Variants in ANKFN1 observed in about 807,000 individuals in gnomAD.
The protein encoded by ANKFN1 is ankyrin repeat and fibronectin type III domain containing 1, also known as ankyrin repeat and fibronectin type-III domain-containing protein 1.
In ANKFN1, 74 loss-of-function variants were observed where a neutral mutation model predicts 108.7. That is an observed-to-expected ratio of 0.68 (90% CI 0.56 to 0.83). The LOEUF (loss-of-function observed/expected upper bound fraction) is 0.83. ANKFN1 is among the 40% of genes least tolerant of loss of function. ANKFN1 has a pLI of 0.00. For synonymous variants in ANKFN1, 547 were observed against 516.2 expected (o/e 1.06, Z -0.81); for missense variants, 1,505 against 1,382.3 (o/e 1.09, Z -1.41).
chr17:56,326,430 T>C (rs912418308), intron 4 of ANKFN1, 75 bp downstream of exon 4: 1 of 1,521,334 alleles, frequency 6.6e-7, no homozygotes. Flanking sequence ...TTTAAATGTG[T>C]ATATGTTGCT....
intron 8 of ANKFN1, among the ~76,000 whole-genome samples, chr17:56,378,688 A>C (rs1345420319): frequency 6.6e-6 from 1 of 152,196 alleles, no homozygotes; most frequent in Non-Finnish European, 1.5e-5. Context: ...TTTGCAGATG[A>C]GAGCAACGAG....
chr17:56,069,665 C>T (rs1905098237), intron 4 of ANKFN1, among the ~76,000 whole-genome samples: 1 of 152,102 alleles, frequency 6.6e-6, no homozygotes, highest in Non-Finnish European at 1.5e-5. Flanking sequence ...ATCTAAAGGC[C>T]AGAATCCTGA....
chr17:56,420,757 G>T (rs901802252), intron 8 of ANKFN1, among the ~76,000 whole-genome samples: 1 of 149,070 alleles, frequency 6.7e-6, no homozygotes, highest in Non-Finnish European at 1.5e-5. Context: ...GCCCAGGCTG[G>T]AATGCAGTGG....
chr17:56,059,396 A>C (rs1269641504), intron 4 of ANKFN1, among the ~76,000 whole-genome samples: 1 of 152,122 alleles, frequency 6.6e-6, no homozygotes, highest in Admixed American at 6.5e-5. Flanking sequence ...ATTTACTCTG[A>C]TGCTAGTTTC....
chr17:56,168,751 G>A (rs952507775), intron 1 of ANKFN1, among the ~76,000 whole-genome samples: 26 of 152,178 alleles, frequency 1.7e-4, no homozygotes, highest in African/African-American at 5.8e-4. Flanking sequence ...ATTATTATGA[G>A]GCATCTTTTT....
Position 56,516,781 on chromosome 17 carries a change from C to A in ANKFN1, c.*5512C>A, listed in dbSNP as rs776874479. 2.0e-5 allele frequency among the ~76,000 whole-genome samples: 3 copies of A among 152,086 alleles called. No individual in the cohort carries two copies. Among genetic ancestry groups the A allele is most frequent in the Non-Finnish European group, 4.4e-5 (3 of 68,022 alleles). ...TTTCTTACCTGCCTAAGTGTATTTT[C>A]AAGAAAAATTGTCGACAGAAGAAAT... On this transcript the variant is annotated 3_prime_UTR_variant, in exon 21 of 21. Coordinates refer to ENST00000682825, the MANE Select transcript of ANKFN1 (RefSeq NM_001370326.1).
At chr17:56,238,104 C>T (rs1208120319) in intron 3 of ANKFN1, among the ~76,000 whole-genome samples, 1 of 151,958 alleles carries the variant, frequency 6.6e-6, no homozygotes, top group East Asian at 1.9e-4. Flanking sequence ...TTTTTGTAGT[C>T]TTGACTTCTA....
At chr17:56,222,768 G>T (rs981719490) in intron 2 of ANKFN1, among the ~76,000 whole-genome samples, 2 of 152,110 alleles carry the variant, frequency 1.3e-5, no homozygotes, top group Non-Finnish European at 2.9e-5. Flanking sequence ...GTTGATAGAG[G>T]GTGAATAGTT....
intron 3 of ANKFN1, among the ~76,000 whole-genome samples, chr17:56,276,715 T>C (rs2043944730): frequency 6.6e-6 from 1 of 152,218 alleles, no homozygotes; most frequent in Admixed American, 6.5e-5. Context: ...TTTTTTCTTG[T>C]AAATTTGTTT....
chr17:56,188,180 A>T (rs888713214), intron 1 of ANKFN1, among the ~76,000 whole-genome samples: 46 of 152,312 alleles, frequency 3.0e-4, no homozygotes, highest in Admixed American at 2.4e-3. Flanking sequence ...GCTTTGAGGT[A>T]GCTTTTTCTA....
intron 4 of ANKFN1, among the ~76,000 whole-genome samples, chr17:56,146,805 C>T (rs1005422410): frequency 1.3e-5 from 2 of 152,224 alleles, no homozygotes; most frequent in African/African-American, 4.8e-5. Flanking sequence ...GAGACATTTT[C>T]CTCGTTGTCT....
rs76157738 is a variant in ANKFN1 at position 56,205,260 on chromosome 17, G to A, written c.-70-7338G>A. On this transcript the variant is annotated intron_variant, in intron 1 of 20. Transcript: ENST00000682825. ...TGACTACCCAGTCTTGTTCCCCAAA[G>A]CACTCTTCAGATCAAAGACATTAGC... is the stretch of plus-strand genomic sequence containing the variant. 6.4e-4 allele frequency among the ~76,000 whole-genome samples: 97 copies of A among 152,244 alleles called. No homozygotes were observed. The East Asian group carries it at 0.015, about 24-fold the overall frequency.
chr17:56,293,237 T>C (rs978293178), intron 3 of ANKFN1, among the ~76,000 whole-genome samples: 7 of 152,226 alleles, frequency 4.6e-5, no homozygotes, highest in South Asian at 2.1e-4. Context: ...TGACAGATCG[T>C]TGCTGAAGAT....
At chr17:56,262,774 C>G (rs2043548891) in intron 3 of ANKFN1, among the ~76,000 whole-genome samples, 1 of 152,132 alleles carries the variant, frequency 6.6e-6, no homozygotes, top group African/African-American at 2.4e-5. Flanking sequence ...TCAAAACAAC[C>G]TGTGACCTTT....
intron 4 of ANKFN1, among the ~76,000 whole-genome samples, chr17:56,342,624 C>T (rs1026925138): frequency 2.6e-5 from 4 of 151,966 alleles, no homozygotes; most frequent in African/African-American, 9.7e-5. Context: ...ATCTCTTAGT[C>T]CTGAGTTCTA....
rs79139804 is a variant in ANKFN1 at position 56,144,435 on chromosome 17, C to T, written c.289-83482C>T. ...CTACACAGGCACTAAAGTACTTTGG[C>T]ATGCATCCAACCTTTCTCTCTGAGT... On this transcript the variant is annotated intron_variant, in intron 4 of 12. Transcript: ENST00000635860. Among the ~76,000 whole-genome samples the T allele has an allele frequency of 5.8e-3, 880 of 152,310 alleles. 4 individuals are homozygous for T. The highest frequency in any genetic ancestry group is 9.7e-3 in the Non-Finnish European group (658 of 68,024).
intron 1 of ANKFN1, among the ~76,000 whole-genome samples, chr17:56,155,464 C>T (rs899735219): frequency 5.3e-5 from 8 of 152,146 alleles, no homozygotes; most frequent in African/African-American, 1.7e-4. Context: ...TTCATTTATT[C>T]GACAATCAAC....
chr17:56,430,550 G>A (rs2048722745), intron 8 of ANKFN1, among the ~76,000 whole-genome samples: 1 of 149,214 alleles, frequency 6.7e-6, no homozygotes, highest in Non-Finnish European at 1.5e-5. Flanking sequence ...AGGTAACTAT[G>A]TGAGAGATGA....
At position 56,476,105 on chromosome 17, in the gene ANKFN1, A is replaced by T. The variant is rs184193781; in HGVS notation, c.1774-1383A>T. ...TCTTGTGAGAACTCACTATCATGAG[A>T]ACAGCAAGGAGGAAATCCACACCCA... On this transcript the variant is annotated intron_variant, in intron 15 of 20. Coordinates refer to ENST00000682825, the MANE Select transcript of ANKFN1 (RefSeq NM_001370326.1). Among the ~76,000 whole-genome samples the T allele has an allele frequency of 1.5e-4, 23 of 152,294 alleles. No individual in the cohort carries two copies. In the East Asian group the frequency reaches 4.2e-3, roughly 28 times the overall value.
Sources: gnomAD v4.1 joint callset for allele counts (sites outside exome capture counted in the v4.1 genomes callset) on GRCh38, gnomAD v4.1.1 for gene constraint, MANE v1.5 for transcripts, NCBI Gene and HGNC (gene_info 2026-07-23, HGNC 2026-07-21) for gene names.